The following ABCB9 variants were observed in gnomAD, a reference collection of about 807,000 sequenced individuals.
ABCB9 encodes the protein ATP binding cassette subfamily B member 9, also known as ABC-type oligopeptide transporter ABCB9.
A neutral mutation model predicts 62.0 loss-of-function variants in ABCB9; 36 were observed. The ratio of observed to expected loss-of-function variants is 0.58; its 90% CI spans 0.45 to 0.77. The LOEUF (loss-of-function observed/expected upper bound fraction) is 0.77, where lower values mean the gene tolerates loss of function less well. Among genes scored for constraint, ABCB9 ranks in the 30% least tolerant of loss-of-function variants. ABCB9 has a pLI of 0.00. For synonymous variants in ABCB9, 435 were observed against 461.4 expected (o/e 0.94, Z 0.73); for missense variants, 943 against 1,054.7 (o/e 0.89, Z 1.47).
Position 122,929,442 on chromosome 12 carries a change from C to T in ABCB9, c.*469G>A. Reference sequence around the variant, plus strand: ...GTCTCCCTCCGGGACAGGGAAGCCCCTTCTCTGGAGGGGTAAAGGGGAGAG... The same window carrying T: ...GTCTCCCTCCGGGACAGGGAAGCCCTTTCTCTGGAGGGGTAAAGGGGAGAG... On this transcript the variant is annotated 3_prime_UTR_variant, in exon 12 of 12. Transcript: ENST00000280560. This position sits in a 1 kb window ranked among gnomAD's most constrained non-coding sequence, Gnocchi z 6.0. 4 of 988,318 alleles carry T rather than the reference C, an allele frequency of 4.0e-6. No individual in the cohort carries two copies. The highest frequency in any genetic ancestry group is 4.8e-6 in the Non-Finnish European group (4 of 831,694). 61.2% of individuals were successfully genotyped at this position (988,318 alleles called of 1,614,324 possible).
At position 122,944,359 on chromosome 12, in the gene ABCB9, T is replaced by C; in HGVS notation, c.1380+32A>G. 2.0e-6 allele frequency: 3 copies of C among 1,507,578 alleles called. No homozygotes were observed. Among genetic ancestry groups the C allele is most frequent in the Non-Finnish European group, 2.7e-6 (3 of 1,107,654 alleles). 93.4% of individuals were successfully genotyped at this position (1,507,578 alleles called of 1,614,324 possible). On this transcript the variant is annotated intron_variant, in intron 7 of 11. Transcript: ENST00000280560. This position sits in a 1 kb window ranked among gnomAD's most constrained non-coding sequence, Gnocchi z 4.9. ...CCCTCTTCCCCAAACTCCTCCCTTC[T>C]CTCTGGATCCCCGGACACACTGGCC...
Position 122,940,905 on chromosome 12 carries a change from G to A in ABCB9, c.1471C>T (p.His491Tyr), listed in dbSNP as rs756398560. The stretch of plus-strand genomic sequence containing the variant: ...TGGTCGGGGGCCAAGCTGCCATCGT[G>A]CACCATGGTCGGCTGCCGGTCGATG... ...EFIDRQPTMV[H>Y]DGSLAPDHLE... The change falls in exon 8 of 12, where the codon CAC becomes TAC. Residue 491 changes from histidine to tyrosine, a missense_variant. Coordinates refer to ENST00000280560, the MANE Select transcript of ABCB9 (RefSeq NM_019625.4). This position sits in a 1 kb window ranked among gnomAD's most constrained non-coding sequence, Gnocchi z 4.8. 2.5e-6 allele frequency: 4 copies of A among 1,612,246 alleles called. No homozygotes were observed. In the African/African-American group the frequency reaches 5.3e-5, roughly 22 times the overall value.
At chr12:122,935,582 C>T in intron 9 of ABCB9, 151 bp from the exon 10 acceptor site, 1 of 917,784 alleles carries the variant, frequency 1.1e-6, no homozygotes, top group Non-Finnish European at 1.6e-6. Flanking sequence ...TGCCTCTCTT[C>T]TTCCCCAACA....
downstream of ABCB9, chr12:122,924,791 C>G (rs1483617432): frequency 4.6e-6 from 7 of 1,534,818 alleles, no homozygotes; most frequent in African/African-American, 1.4e-5. Flanking sequence ...CAATTACTTT[C>G]TCCTGGTTTA....
At chr12:122,931,653 T>C (rs973566026) in intron 11 of ABCB9, 2 of 157,904 alleles carry the variant, frequency 1.3e-5, no homozygotes, top group African/African-American at 4.9e-5. Context: ...TTTGTCTGTT[T>C]GTTTGAGCCA....
At chr12:122,948,127 G>A (rs1022893821) in intron 5 of ABCB9, 1 of 152,308 alleles carries the variant, frequency 6.6e-6, no homozygotes, top group African/African-American at 2.4e-5. Context: ...TTGTAGAGAT[G>A]GGGTCTTGCT....
intron 2 of ABCB9, among the ~76,000 whole-genome samples, chr12:122,956,465 G>T (rs1313711043): frequency 6.6e-6 from 1 of 152,128 alleles, no homozygotes; most frequent in Non-Finnish European, 1.5e-5. Context: ...CATTGTTATT[G>T]CATTGTCACC....
At chr12:122,921,905 G>A (rs769362086) in intron 11 of ABCB9, among the ~76,000 whole-genome samples, 1 of 152,256 alleles carries the variant, frequency 6.6e-6, no homozygotes, top group South Asian at 2.1e-4. Context: ...GAAACAAATG[G>A]TCAGCAGCAA....
chr12:122,965,769 C>A (rs1381502403), intron 1 of ABCB9, among the ~76,000 whole-genome samples: 1 of 152,036 alleles, frequency 6.6e-6, no homozygotes, highest in Non-Finnish European at 1.5e-5. Flanking sequence ...AAAAGAGGCT[C>A]CCCTGGGAAC....
intron 1 of ABCB9, chr12:122,972,723 G>A (rs1336597115): frequency 1.3e-5 from 2 of 151,770 alleles, no homozygotes; most frequent in African/African-American, 4.8e-5. Context: ...ATGTTGCCCA[G>A]GCTGGTCTCG....
chr12:122,959,784 G>C lies in ABCB9; in HGVS notation c.452C>G (p.Ala151Gly), dbSNP rs758112229. ...AGGGAAGCCCTCAGCCTCGGTGGCC[G>C]CCCCTGGCTCCAGGGCCTGGGTGCC... ...RPGTQALEPG[A>G]ATEAEGFPGS... Residue 151 changes from alanine (A) to glycine (G), a missense_variant, in exon 2 of 12, where the codon GCG becomes GGG. Ala to Gly is a moderately conservative substitution (Grantham distance 60). Coordinates refer to ENST00000280560, the MANE Select transcript of ABCB9 (RefSeq NM_019625.4). This position sits in a 1 kb window ranked among gnomAD's most constrained non-coding sequence, Gnocchi z 5.4. The C allele has an allele frequency of 6.2e-7, 1 of 1,611,838 alleles. No homozygotes were observed. Among genetic ancestry groups the C allele is most frequent in the Non-Finnish European group, 8.5e-7 (1 of 1,179,198 alleles).
In ABCB9 at chr12:122,960,303, T is replaced by C; in HGVS notation, c.-68A>G. 2.6e-6 allele frequency: 4 copies of C among 1,551,428 alleles called. No homozygotes were observed. Among genetic ancestry groups the C allele is most frequent in the Non-Finnish European group, 3.5e-6 (4 of 1,147,542 alleles). ...GCTCACGGGGGCAAGGCCATCATCATCCACAGGGCGAGGCCAGGCCTGTAG... is the reference window on the plus strand; with the variant it reads ...GCTCACGGGGGCAAGGCCATCATCACCCACAGGGCGAGGCCAGGCCTGTAG... On this transcript the variant is annotated 5_prime_UTR_variant, in exon 2 of 12. The change abolishes an upstream ATG in the 5' untranslated region. Transcript: ENST00000280560.
At chr12:122,943,293 T>C (rs1207477768) in intron 7 of ABCB9, among the ~76,000 whole-genome samples, 1 of 152,164 alleles carries the variant, frequency 6.6e-6, no homozygotes, top group Non-Finnish European at 1.5e-5. Context: ...CGTCTCACTT[T>C]CCACTCCCAC....
At chr12:122,921,085 C>T (rs1428020353) in intron 11 of ABCB9, 2 of 1,533,172 alleles carry the variant, frequency 1.3e-6, no homozygotes, top group Non-Finnish European at 1.7e-6. Context: ...TCAAAGGAAA[C>T]ATTGGGAGTC....
intron 11 of ABCB9, among the ~76,000 whole-genome samples, chr12:122,921,499 G>A (rs989538039): frequency 1.3e-5 from 2 of 152,180 alleles, no homozygotes; most frequent in African/African-American, 2.4e-5. Flanking sequence ...AACATTGGCC[G>A]AGGACAGTGG....
At chr12:122,926,360 C>T (rs973607693), downstream of ABCB9, among the ~76,000 whole-genome samples, 1 of 152,046 alleles carries the variant, frequency 6.6e-6, no homozygotes, top group Non-Finnish European at 1.5e-5. Context: ...GCCTGGCCAA[C>T]ATGGTGAAAC....
intron 5 of ABCB9, 81 bp downstream of exon 5, chr12:122,948,543 G>C (rs2036171169): frequency 3.0e-6 from 4 of 1,335,266 alleles, no homozygotes; most frequent in Non-Finnish European, 4.0e-6. Context: ...CTAGCCCTTA[G>C]TGGCCCCCTG....
At position 122,930,185 on chromosome 12, in the gene ABCB9, G is replaced by T; in HGVS notation, c.2041-14C>A. The T allele has an allele frequency of 6.5e-7, 1 of 1,536,226 alleles. No individual in the cohort carries two copies. ...GGCCTGCTGGATCTGCGGGGACAGT[G>T]GGGGCCTGGCTTGCATGGCACGGAC... On this transcript the variant is annotated splice_polypyrimidine_tract_variant and intron_variant, in intron 11 of 11. Transcript: ENST00000280560. The surrounding 1 kb of genome is among the most constrained non-coding windows in gnomAD (Gnocchi z 4.9).
upstream of ABCB9, among the ~76,000 whole-genome samples, chr12:122,969,136 A>G (rs987083833): frequency 2.8e-5 from 4 of 144,540 alleles, no homozygotes; most frequent in East Asian, 2.0e-4. Flanking sequence ...GGCACAGGTG[A>G]GTGGGCCACC....
Sources: allele counts gnomAD v4.1 joint callset (sites outside exome capture counted in the v4.1 genomes callset), GRCh38; gene constraint gnomAD v4.1.1; non-coding constraint Gnocchi (gnomAD v3.1); transcripts MANE v1.5; gene names NCBI Gene and HGNC (gene_info 2026-07-23, HGNC 2026-07-21).